RFTN1: variants seen among roughly 807,000 people sequenced by gnomAD.
RFTN1 encodes the protein raftlin.
A neutral mutation model predicts 46.5 loss-of-function variants in RFTN1; 26 were observed. That is an observed-to-expected ratio of 0.56 (90% CI 0.41 to 0.78). The LOEUF (loss-of-function observed/expected upper bound fraction) is 0.78. Among genes scored for constraint, RFTN1 ranks in the 30% least tolerant of loss-of-function variants. The pLI is 0.00. For synonymous variants in RFTN1, 261 were observed against 284.2 expected, an observed-to-expected ratio of 0.92 and a Z score of 0.82; for missense variants, 693 against 718.7, an observed-to-expected ratio of 0.96 and a Z score of 0.41.
intron 4 of RFTN1, among the ~76,000 whole-genome samples, chr3:16,404,558 A>G (rs1024407170): frequency 6.7e-6 from 1 of 150,108 alleles, no homozygotes. Context: ...TAATCAAAGG[A>G]AGCCCACCCA....
In RFTN1 at chr3:16,500,116, T is replaced by A. The variant is rs2076688712; in HGVS notation, c.-8-6239A>T. Among the ~76,000 whole-genome samples the A allele has an allele frequency of 6.6e-6, 1 of 152,202 alleles. No homozygotes were observed. The highest frequency in any genetic ancestry group is 2.4e-5 in the African/African-American group (1 of 41,442). On this transcript the variant is annotated intron_variant, in intron 1 of 9. Transcript: ENST00000334133. This position sits in a 1 kb window ranked among gnomAD's most constrained non-coding sequence, Gnocchi z 5.9. ...TGACTTTTTCTCTGGTTGTTGCTTG[T>A]TTTTGTAAAAAACACATGCTAAAAG...
chr3:16,469,020 C>A (rs2076148569), intron 2 of RFTN1, among the ~76,000 whole-genome samples: 1 of 152,362 alleles, frequency 6.6e-6, no homozygotes, highest in South Asian at 2.1e-4. Context: ...TGGCCACAGG[C>A]CACTAACAAT....
chr3:16,375,619 A>G (rs1297375762), intron 5 of RFTN1, among the ~76,000 whole-genome samples: 1 of 152,150 alleles, frequency 6.6e-6, no homozygotes, highest in African/African-American at 2.4e-5. Context: ...TGAGCTGCCT[A>G]AATTTCAGAG....
At chr3:16,463,150 C>T (rs931898251) in intron 2 of RFTN1, among the ~76,000 whole-genome samples, 15 of 152,126 alleles carry the variant, frequency 9.9e-5, no homozygotes, top group Admixed American at 5.9e-4. Context: ...ATTTATTATG[C>T]TTGGAGTTTG....
At position 16,504,127 on chromosome 3, in the gene RFTN1, CT is replaced by C. The variant is rs1480414685; in HGVS notation, c.-9+9314del. 1.5e-5 allele frequency among the ~76,000 whole-genome samples: 2 copies of C among 132,862 alleles called. No individual in the cohort carries two copies. The highest frequency in any genetic ancestry group is 4.3e-4 in the East Asian group (2 of 4,626). 87.2% of individuals were successfully genotyped at this position (132,862 alleles called of 152,430 possible). On this transcript the variant is annotated intron_variant, in intron 1 of 9. Coordinates refer to ENST00000334133, the MANE Select transcript of RFTN1 (RefSeq NM_015150.2). The surrounding 1 kb of genome is among the most constrained non-coding windows in gnomAD (Gnocchi z 4.4). ...ACATTTTTTAATGGCATGCCCTAGA[CT>C]AAAAAAAAAATACCCAATAGTTCGT...
chr3:16,510,762 T>A (rs2125017888), intron 1 of RFTN1, among the ~76,000 whole-genome samples: 1 of 152,334 alleles, frequency 6.6e-6, no homozygotes, highest in African/African-American at 2.4e-5. Context: ...CCCAGCAATT[T>A]ACTACTAGGT....
In RFTN1 at chr3:16,382,934, G is replaced by A. The variant is rs765917430; in HGVS notation, c.442-4832C>T. 1.3e-5 allele frequency among the ~76,000 whole-genome samples: 2 copies of A among 152,170 alleles called. No individual in the cohort carries two copies. The highest frequency in any genetic ancestry group is 2.9e-5 in the Non-Finnish European group (2 of 68,044). ...TGAGGAGCCAGGTCACCTCAGCCAT[G>A]GAGCTCCCCACAGACTCCCACGCAT... On this transcript the variant is annotated intron_variant, in intron 4 of 9. Transcript: ENST00000334133. The surrounding 1 kb of genome is among the most constrained non-coding windows in gnomAD (Gnocchi z 4.7).
chr3:16,378,169 G>A (rs6767569), intron 4 of RFTN1, 67 bp from the exon 5 acceptor site: 34,597 of 1,395,814 alleles, frequency 0.025, 547 homozygotes, highest in Middle Eastern at 0.072. Flanking sequence ...CACGTGCAGC[G>A]TGCAAAGCGC....
rs2076690809 is a variant in RFTN1 at position 16,500,315 on chromosome 3, G to A, written c.-8-6438C>T. Reference sequence around the variant, plus strand: ...TCAGCTTTGATTGACAGGTGTCCAGGCATTTGTTTCTCTTTTTATATTTTG... The same window carrying A: ...TCAGCTTTGATTGACAGGTGTCCAGACATTTGTTTCTCTTTTTATATTTTG... On this transcript the variant is annotated intron_variant, in intron 1 of 9. Coordinates refer to ENST00000334133, the MANE Select transcript of RFTN1 (RefSeq NM_015150.2). The surrounding 1 kb of genome is among the most constrained non-coding windows in gnomAD (Gnocchi z 5.9). Among the ~76,000 whole-genome samples, 1 of 152,138 alleles carries A rather than the reference G, an allele frequency of 6.6e-6. No individual in the cohort carries two copies. The highest frequency in any genetic ancestry group is 6.5e-5 in the Admixed American group (1 of 15,272).
chr3:16,359,903 A>G (rs903066585), intron 6 of RFTN1, among the ~76,000 whole-genome samples: 1 of 152,136 alleles, frequency 6.6e-6, no homozygotes, highest in African/African-American at 2.4e-5. Context: ...AGTATTTTCT[A>G]GAAGTCACAA....
At chr3:16,472,854 C>T (rs535920038) in intron 2 of RFTN1, among the ~76,000 whole-genome samples, 2 of 152,248 alleles carry the variant, frequency 1.3e-5, no homozygotes, top group Admixed American at 1.3e-4. Context: ...AGGCAAGGGG[C>T]CAGTGTGGAG....
At chr3:16,343,438 CTTG>C (rs1321177935) in intron 7 of RFTN1, among the ~76,000 whole-genome samples, 1 of 152,192 alleles carries the variant, frequency 6.6e-6, no homozygotes, top group Non-Finnish European at 1.5e-5. Flanking sequence ...CCTGATTACC[CTTG>C]TTTTTTCCTC....
rs1559348831 is a variant in RFTN1 at position 16,440,684 on chromosome 3, TA to T, written c.146-6648del. Among the ~76,000 whole-genome samples the T allele has an allele frequency of 6.7e-6, 1 of 149,118 alleles. No individual in the cohort carries two copies. Among genetic ancestry groups the T allele is most frequent in the African/African-American group, 2.5e-5 (1 of 39,706 alleles). The stretch of plus-strand genomic sequence containing the variant: ...CCCAAGGGGACAAGATGGTTACTGC[TA>T]ATGGGGGGGGGGCCCAATGGTGCCA... On this transcript the variant is annotated intron_variant, in intron 2 of 9. Coordinates refer to ENST00000334133, the MANE Select transcript of RFTN1 (RefSeq NM_015150.2). This position sits in a 1 kb window ranked among gnomAD's most constrained non-coding sequence, Gnocchi z 4.6.
rs558195061 is a variant in RFTN1, at chr3:16,338,941, GCTTA to G, written c.1147-12069_1147-12066del. On this transcript the variant is annotated intron_variant, in intron 7 of 9. Coordinates refer to ENST00000334133, the MANE Select transcript of RFTN1 (RefSeq NM_015150.2). This position sits in a 1 kb window ranked among gnomAD's most constrained non-coding sequence, Gnocchi z 5.3. Reference sequence around the variant, plus strand: ...ACCTGTCAGCAGTGGATTCCTAACAGCTTACTGATAATCATAAAATGCAAACCCA... The same window carrying G: ...ACCTGTCAGCAGTGGATTCCTAACAGCTGATAATCATAAAATGCAAACCCA... 9.9e-4 allele frequency among the ~76,000 whole-genome samples: 151 copies of G among 152,314 alleles called. 1 individual carries two copies. The highest frequency in any genetic ancestry group is 9.4e-3 in the Admixed American group (144 of 15,304).
intron 4 of RFTN1, among the ~76,000 whole-genome samples, chr3:16,403,576 A>C (rs1049365223): frequency 9.8e-6 from 1 of 102,502 alleles, no homozygotes; most frequent in East Asian, 2.4e-4. Flanking sequence ...ACACACACAT[A>C]TATTATATTT....
At chr3:16,417,783 C>G (rs1436249540) in intron 3 of RFTN1, among the ~76,000 whole-genome samples, 2 of 152,180 alleles carry the variant, frequency 1.3e-5, no homozygotes, top group Admixed American at 1.3e-4. Flanking sequence ...CATATAAAAG[C>G]CTGCAGCTTT....
At chr3:16,470,187 G>A (rs1232326794) in intron 2 of RFTN1, among the ~76,000 whole-genome samples, 1 of 152,106 alleles carries the variant, frequency 6.6e-6, no homozygotes, top group African/African-American at 2.4e-5. Context: ...TGCTCCTATA[G>A]ATCAAGTCTC....
rs548149747 is a variant in RFTN1 at position 16,440,151 on chromosome 3, C to T, written c.146-6114G>A. Reference sequence around the variant, plus strand: ...GCCTACTCAGAGTGGGCCGCTGCCGCGAGGGCTGATCACACTTTTTCTCCA... The same window carrying T: ...GCCTACTCAGAGTGGGCCGCTGCCGTGAGGGCTGATCACACTTTTTCTCCA... On this transcript the variant is annotated intron_variant, in intron 2 of 9. Coordinates refer to ENST00000334133, the MANE Select transcript of RFTN1 (RefSeq NM_015150.2). The surrounding 1 kb of genome is among the most constrained non-coding windows in gnomAD (Gnocchi z 4.6). 3.9e-5 allele frequency among the ~76,000 whole-genome samples: 6 copies of T among 152,280 alleles called. No homozygotes were observed. In the East Asian group the frequency reaches 7.7e-4, roughly 20 times the overall value.
At position 16,499,431 on chromosome 3, in the gene RFTN1, A is replaced by C. The variant is rs949791541; in HGVS notation, c.-8-5554T>G. Among the ~76,000 whole-genome samples, 5 of 152,224 alleles carry C rather than the reference A, an allele frequency of 3.3e-5. No individual in the cohort carries two copies. The highest frequency in any genetic ancestry group is 7.3e-5 in the Non-Finnish European group (5 of 68,046). ...AGCCACCATGCCATGAGGAAGCTCA[A>C]GTAGCCCCAAAGAGGGGCCCATGTG... On this transcript the variant is annotated intron_variant, in intron 1 of 9. Coordinates refer to ENST00000334133, the MANE Select transcript of RFTN1 (RefSeq NM_015150.2). This position sits in a 1 kb window ranked among gnomAD's most constrained non-coding sequence, Gnocchi z 4.9.
Sources: gnomAD v4.1 joint callset for allele counts (sites outside exome capture counted in the v4.1 genomes callset) on GRCh38, gnomAD v4.1.1 for gene constraint, Gnocchi (gnomAD v3.1) non-coding constraint, MANE v1.5 for transcripts, NCBI Gene and HGNC (gene_info 2026-07-23, HGNC 2026-07-21) for gene names.